SMARCAL1: variants seen among roughly 807,000 people sequenced by gnomAD.
SMARCAL1 encodes SNF2 related chromatin remodeling annealing helicase 1.
In SMARCAL1, 58 loss-of-function variants were observed where a neutral mutation model predicts 94.5. That is an observed-to-expected ratio of 0.61 (90% CI 0.50 to 0.76). SMARCAL1 has a LOEUF of 0.76. Ranked by LOEUF, SMARCAL1 falls within the 30% of genes least tolerant of loss-of-function variation. SMARCAL1 has a pLI of 0.00. For synonymous variants in SMARCAL1, 422 were observed against 455.1 expected (o/e 0.93, Z 0.93); for missense variants, 1,051 against 1,177.9 (o/e 0.89, Z 1.58).
chr2:216,452,334 T>A (rs1694467362), intron 12 of SMARCAL1, among the ~76,000 whole-genome samples: 1 of 152,174 alleles, frequency 6.6e-6, no homozygotes, highest in Non-Finnish European at 1.5e-5. Flanking sequence ...CAATTTGAAG[T>A]TTTTTCTTAT....
At chr2:216,438,689 A>G (rs1031511153) in intron 10 of SMARCAL1, among the ~76,000 whole-genome samples, 2 of 152,104 alleles carry the variant, frequency 1.3e-5, no homozygotes, top group African/African-American at 4.8e-5. Context: ...CCTGCTAAGG[A>G]ACTAGTAGGC....
chr2:216,419,534 G>A (rs1693668389), intron 4 of SMARCAL1, among the ~76,000 whole-genome samples: 1 of 151,620 alleles, frequency 6.6e-6, no homozygotes, highest in Admixed American at 6.5e-5. Context: ...TTTGTGACCT[G>A]GTGATCCTGG....
chr2:216,448,609 C>T (rs912149364), intron 11 of SMARCAL1, among the ~76,000 whole-genome samples: 1 of 152,154 alleles, frequency 6.6e-6, no homozygotes, highest in African/African-American at 2.4e-5. Context: ...CCACCTAACC[C>T]AGTGCCTGAT....
At chr2:216,430,864 T>A (rs960652862) in intron 7 of SMARCAL1, among the ~76,000 whole-genome samples, 8 of 152,332 alleles carry the variant, frequency 5.3e-5, no homozygotes, top group African/African-American at 1.9e-4. Flanking sequence ...AGGTAAAAAA[T>A]ACATCTTTTC....
intron 12 of SMARCAL1, among the ~76,000 whole-genome samples, chr2:216,458,916 T>C (rs927779852): frequency 2.6e-5 from 4 of 152,216 alleles, no homozygotes; most frequent in African/African-American, 9.6e-5. Context: ...GATGACATGA[T>C]TGTATATCTA....
chr2:216,415,538 G>GTTTTTTTTTTTTTTTT, intron 3 of SMARCAL1, 23 bp downstream of exon 3: 5 of 1,399,878 alleles, frequency 3.6e-6, no homozygotes, highest in African/African-American at 1.5e-5. Context: ...TTTTTCAGCT[G>GTTTTTTTTTTTTTTTT]TTTTTTTTTT....
chr2:216,414,781 A>G lies in SMARCAL1; in HGVS notation c.77A>G (p.Glu26Gly), dbSNP rs1693549924. 6.2e-7 allele frequency: 1 copy of G among 1,614,236 alleles called. No homozygotes were observed. ...CAAAAGGCTCTGGCCCGCAGAGCTG[A>G]GAAGTTATTGGCAGAACAGCATCAG... Reference protein sequence around the residue: ...NRQKALARRAEKLLAEQHQRT... With the variant: ...NRQKALARRAGKLLAEQHQRT... The change falls in exon 3 of 18, where the codon GAG becomes GGG. Residue 26 changes from glutamate to glycine, a missense_variant. Around this residue, in one of 3 missense-constraint regions of SMARCAL1, gnomAD observed 398 missense variants for 395.2 expected, o/e 1.01. Coordinates refer to ENST00000357276, the MANE Select transcript of SMARCAL1 (RefSeq NM_014140.4).
At chr2:216,432,986 G>A in intron 8 of SMARCAL1, 118 bp downstream of exon 8, 1 of 1,324,832 alleles carries the variant, frequency 7.5e-7, no homozygotes, top group Non-Finnish European at 1.1e-6. Flanking sequence ...TCAAGTAAAG[G>A]CAAAGGCAGG....
rs16856132 is a variant in SMARCAL1, at chr2:216,436,559, G to A, written c.1644+1063G>A. Among the ~76,000 whole-genome samples the A allele has an allele frequency of 2.1e-3, 321 of 152,348 alleles. 5 individuals are homozygous for A. The highest frequency in any genetic ancestry group is 0.015 in the Admixed American group (236 of 15,298). On this transcript the variant is annotated intron_variant, in intron 9 of 17. Coordinates refer to ENST00000357276, the MANE Select transcript of SMARCAL1 (RefSeq NM_014140.4). ...GTGTTCTTAGCATAAGCAAACTTGA[G>A]TGTTGATAGTTTTGCAAAGTGATAT...
chr2:216,440,362 C>T (rs1159219654), intron 10 of SMARCAL1, among the ~76,000 whole-genome samples: 1 of 152,220 alleles, frequency 6.6e-6, no homozygotes. Context: ...CATTGCCTGG[C>T]TGGGCAAGCT....
chr2:216,414,820 G>A lies in SMARCAL1; in HGVS notation c.116G>A (p.Gly39Asp). 6.2e-7 allele frequency: 1 copy of A among 1,614,170 alleles called. No individual in the cohort carries two copies. The highest frequency in any genetic ancestry group is 2.2e-5 in the East Asian group (1 of 44,878). ...LAEQHQRTSS[G>D]TSIAGNPFQA... Reference sequence around the variant, plus strand: ...GAACAGCATCAGAGGACTAGCTCGGGCACCTCCATTGCTGGCAACCCATTC... The same window carrying A: ...GAACAGCATCAGAGGACTAGCTCGGACACCTCCATTGCTGGCAACCCATTC... The change falls in exon 3 of 18, where the codon GGC (glycine) becomes GAC (aspartate). Residue 39 changes from glycine to aspartate, a missense_variant. By Grantham distance (94) the Gly-to-Asp change is moderately conservative (BLOSUM62 -1). Coordinates refer to ENST00000357276, the MANE Select transcript of SMARCAL1 (RefSeq NM_014140.4).
intron 10 of SMARCAL1, among the ~76,000 whole-genome samples, chr2:216,443,687 AT>A (rs1295710114): frequency 6.6e-6 from 1 of 152,204 alleles, no homozygotes; most frequent in Non-Finnish European, 1.5e-5. Context: ...AGAGGGAACC[AT>A]TTATGTGAAA....
chr2:216,415,547 T>A, intron 3 of SMARCAL1, 32 bp downstream of exon 3: 1 of 1,581,566 alleles, frequency 6.3e-7, no homozygotes, highest in African/African-American at 1.3e-5. Flanking sequence ...TGTTTTTTTT[T>A]TTTTTTCTTA....
rs1235607547 is a variant in SMARCAL1 at position 216,462,551 on chromosome 2, G to A, written c.2071-2046G>A. On this transcript the variant is annotated intron_variant, in intron 12 of 17. Transcript: ENST00000357276. ...TGTTTCCAGAGCGTGATACAAAATA[G>A]GAGGGTAGGTGGCTGCCACTGCCAA... is the stretch of plus-strand genomic sequence containing the variant. Among the ~76,000 whole-genome samples the A allele has an allele frequency of 2.6e-5, 4 of 152,220 alleles. No homozygotes were observed. In the East Asian group the frequency reaches 7.7e-4, roughly 29 times the overall value.
intron 10 of SMARCAL1, among the ~76,000 whole-genome samples, chr2:216,439,697 C>T (rs1002009650): frequency 6.6e-6 from 1 of 152,186 alleles, no homozygotes; most frequent in Non-Finnish European, 1.5e-5. Flanking sequence ...TTAGGAATAA[C>T]GGAATATGAT....
chr2:216,473,667 A>G (rs1695012060), intron 14 of SMARCAL1, among the ~76,000 whole-genome samples: 1 of 152,222 alleles, frequency 6.6e-6, no homozygotes, highest in Non-Finnish European at 1.5e-5. Context: ...TAAAAGATAT[A>G]TATACCATAC....
At chr2:216,444,444 A>T (rs1039896241) in intron 10 of SMARCAL1, among the ~76,000 whole-genome samples, 2 of 151,864 alleles carry the variant, frequency 1.3e-5, no homozygotes, top group East Asian at 3.8e-4. Flanking sequence ...ACTGCTTCTT[A>T]TATAAACTTA....
chr2:216,456,738 A>G (rs1694576814), intron 12 of SMARCAL1, among the ~76,000 whole-genome samples: 1 of 152,236 alleles, frequency 6.6e-6, no homozygotes, highest in South Asian at 2.1e-4. Context: ...CACTGCAAAA[A>G]CATGCCAAAT....
In SMARCAL1 at chr2:216,423,696, CCTTA is replaced by C. The variant is rs1693772662; in HGVS notation, c.1147+17_1147+20del. The C allele has an allele frequency of 6.2e-7, 1 of 1,605,082 alleles. No homozygotes were observed. The highest frequency in any genetic ancestry group is 1.1e-5 in the South Asian group (1 of 90,874). On this transcript the variant is annotated intron_variant, in intron 6 of 17. Transcript: ENST00000357276. ...CACAGTAAACTAAGTGAGAAGCCTT[CCTTA>C]CTTGTTTTATATCATGCTATTGTTA...
Sources: allele counts gnomAD v4.1 joint callset (sites outside exome capture counted in the v4.1 genomes callset), GRCh38; gene constraint gnomAD v4.1.1; regional missense constraint gnomAD v4.1.1; transcripts MANE v1.5; gene names NCBI Gene and HGNC (gene_info 2026-07-23, HGNC 2026-07-21).